ANXA13: variants seen among roughly 807,000 people sequenced by gnomAD.
ANXA13 encodes the protein annexin XIII.
ANXA13 carries 36 observed loss-of-function variants against 46.6 expected under a neutral mutation model. The observed-to-expected ratio is 0.77, with a 90% CI of 0.59 to 1.02. The LOEUF (loss-of-function observed/expected upper bound fraction) is 1.02. ANXA13 is among the 50% of genes least tolerant of loss of function. The pLI is 0.00. For synonymous variants in ANXA13, 163 were observed against 152.9 expected, an observed-to-expected ratio of 1.07 and a Z score of -0.49; for missense variants, 417 against 396.5, an observed-to-expected ratio of 1.05 and a Z score of -0.44.
intron 4 of ANXA13, 39 bp from the exon 5 acceptor site, chr8:123,695,760 G>A (rs1935198376): frequency 6.4e-7 from 1 of 1,556,986 alleles, no homozygotes; most frequent in Middle Eastern, 1.8e-4. Flanking sequence ...ATATTCCAAG[G>A]AGGGATTAAT....
intron 1 of ANXA13, among the ~76,000 whole-genome samples, chr8:123,714,090 C>T (rs4081776): frequency 0.32 from 48,432 of 152,068 alleles, 7,897 homozygotes; most frequent in South Asian, 0.44. Context: ...TCCTTTGGCA[C>T]CCAGTGGAAG....
chr8:123,694,389 G>A (rs7840837), intron 6 of ANXA13, among the ~76,000 whole-genome samples: 79,952 of 151,896 alleles, frequency 0.53, 22,632 homozygotes, highest in Non-Finnish European at 0.65. Context: ...GCCTGACCCA[G>A]ATGAATGAGC....
At chr8:123,682,909 C>T (rs893655240) in intron 10 of ANXA13, among the ~76,000 whole-genome samples, 49 of 152,262 alleles carry the variant, frequency 3.2e-4, no homozygotes, top group African/African-American at 1.1e-3. Context: ...TAAAACACTC[C>T]GTGGGCCATG....
chr8:123,698,731 G>A (rs999639099), intron 3 of ANXA13, among the ~76,000 whole-genome samples, 172 bp from the exon 4 acceptor site: 7 of 152,156 alleles, frequency 4.6e-5, no homozygotes, highest in African/African-American at 1.7e-4. Context: ...GCCCATCCAC[G>A]TTTCCCCAGG....
intron 1 of ANXA13, among the ~76,000 whole-genome samples, chr8:123,714,587 C>T (rs1208203815): frequency 2.0e-5 from 3 of 152,154 alleles, no homozygotes; most frequent in African/African-American, 4.8e-5. Flanking sequence ...TCCATCCTTG[C>T]GATCCAAAGT....
intron 3 of ANXA13, among the ~76,000 whole-genome samples, chr8:123,700,884 G>A (rs1247349449): frequency 6.6e-6 from 1 of 151,796 alleles, no homozygotes; most frequent in Non-Finnish European, 1.5e-5. Context: ...GTGCAGTGGT[G>A]CAACTACGGC....
chr8:123,697,035 A>G (rs62518601), intron 4 of ANXA13, among the ~76,000 whole-genome samples: 41,095 of 152,034 alleles, frequency 0.27, 5,888 homozygotes, highest in Middle Eastern at 0.35. Flanking sequence ...TCAGCCTCTC[A>G]AGTAGCTGGG....
intron 9 of ANXA13, among the ~76,000 whole-genome samples, chr8:123,686,446 T>A: frequency 7.1e-6 from 1 of 141,036 alleles, no homozygotes. Context: ...GGTGACAGAG[T>A]GAAACTGTGT....
chr8:123,686,661 G>A (rs975359236), intron 9 of ANXA13, among the ~76,000 whole-genome samples: 3 of 152,032 alleles, frequency 2.0e-5, no homozygotes, highest in Admixed American at 6.6e-5. Context: ...GGTTCTCAAT[G>A]GGAACCTGGA....
At chr8:123,728,913 A>T (rs1343018229) in intron 1 of ANXA13, among the ~76,000 whole-genome samples, 1 of 152,032 alleles carries the variant, frequency 6.6e-6, no homozygotes, top group Non-Finnish European at 1.5e-5. Flanking sequence ...CCAAGTCCCC[A>T]TTATTTGGAA....
At chr8:123,734,061 C>A (rs147257766) in intron 1 of ANXA13, among the ~76,000 whole-genome samples, 286 of 152,322 alleles carry the variant, frequency 1.9e-3, no homozygotes, top group African/African-American at 6.2e-3. Context: ...AGGGACCATA[C>A]TTTGAGTAGC....
chr8:123,730,047 A>G (rs1343831405), intron 1 of ANXA13, among the ~76,000 whole-genome samples: 2 of 152,074 alleles, frequency 1.3e-5, no homozygotes, highest in African/African-American at 4.8e-5. Flanking sequence ...TTAGCAAGTT[A>G]TGTTCGTTTG....
intron 2 of ANXA13, 121 bp downstream of exon 2, chr8:123,712,557 G>A (rs1197531678): frequency 1.2e-6 from 1 of 861,750 alleles, no homozygotes; most frequent in Non-Finnish European, 1.9e-6. Flanking sequence ...TGATTGACTT[G>A]CGTTAGCTCG....
intron 1 of ANXA13, among the ~76,000 whole-genome samples, chr8:123,732,251 A>G (rs1160569051): frequency 1.3e-5 from 2 of 152,186 alleles, no homozygotes; most frequent in Non-Finnish European, 2.9e-5. Flanking sequence ...GACTAATAAT[A>G]GTATCTCCCT....
chr8:123,698,634 A>AAGC, intron 3 of ANXA13, 75 bp from the exon 4 acceptor site: 1 of 1,486,518 alleles, frequency 6.7e-7, no homozygotes, highest in Non-Finnish European at 9.3e-7. Context: ...GCACTATTGC[A>AAGC]AGTGCTCATA....
Position 123,681,042 on chromosome 8 carries a change from C to T in ANXA13, c.*198G>A, listed in dbSNP as rs1813025373. 3.3e-6 allele frequency: 2 copies of T among 600,302 alleles called. No individual in the cohort carries two copies. The highest frequency in any genetic ancestry group is 3.8e-5 in the South Asian group (1 of 26,464). The allele number at this position is 600,302 out of a possible 1,614,324, so 37.2% of individuals were successfully genotyped here. A position where few individuals can be genotyped will look rare whatever the true frequency, so the allele number is the denominator to read the frequency against. On this transcript the variant is annotated 3_prime_UTR_variant, in exon 11 of 11. Transcript: ENST00000419625. Reference sequence around the variant, plus strand: ...CCTAGATGCTTGCTAAGCCAGAGTTCAAGGTGCCCTGCCCACGCATCTTAA... The same window carrying T: ...CCTAGATGCTTGCTAAGCCAGAGTTTAAGGTGCCCTGCCCACGCATCTTAA...
At chr8:123,703,391 T>C (rs372280456) in intron 2 of ANXA13, among the ~76,000 whole-genome samples, 4 of 152,188 alleles carry the variant, frequency 2.6e-5, no homozygotes, top group African/African-American at 7.2e-5. Context: ...GGCTGCTTTT[T>C]GAAGTGATGA....
Position 123,681,302 on chromosome 8 carries a change from C to G in ANXA13, c.889G>C (p.Asp297His). The G allele has an allele frequency of 6.2e-7, 1 of 1,614,178 alleles. No individual in the cohort carries two copies. Among genetic ancestry groups the G allele is most frequent in the Non-Finnish European group, 8.5e-7 (1 of 1,180,002 alleles). The change falls in exon 11 of 11, where the codon GAC becomes CAC. Residue 297 changes from aspartate (D) to histidine (H), a missense_variant. Asp to His is a moderately conservative substitution (Grantham distance 81). Coordinates refer to ENST00000419625, the MANE Select transcript of ANXA13 (RefSeq NM_004306.4). ...FQEKYQKSLSDMVRSDTSGDF... is the reference protein window; with the variant it reads ...FQEKYQKSLSHMVRSDTSGDF... ...CCGGAGGTATCTGAGCGAACCATGT[C>G]AGAGAGAGACTTCTGATACTTCTCT...
rs1814290832 is a variant in ANXA13 at position 123,737,246 on chromosome 8, A to T, written c.15+74T>A. Reference sequence around the variant, plus strand: ...GTGATAAAGTATACAAGTATCAGTCATGATTTTATAGTTTAAATTCTTCCA... The same window carrying T: ...GTGATAAAGTATACAAGTATCAGTCTTGATTTTATAGTTTAAATTCTTCCA... On this transcript the variant is annotated intron_variant, in intron 1 of 10. Coordinates refer to ENST00000419625, the MANE Select transcript of ANXA13 (RefSeq NM_004306.4). 7 of 1,378,672 alleles carry T rather than the reference A, an allele frequency of 5.1e-6. No homozygotes were observed. In the South Asian group the frequency reaches 8.3e-5, roughly 16 times the overall value. 85.4% of individuals were successfully genotyped at this position (1,378,672 alleles called of 1,614,324 possible).
Sources: gnomAD v4.1 joint callset for allele counts (sites outside exome capture counted in the v4.1 genomes callset) on GRCh38, gnomAD v4.1.1 for gene constraint, MANE v1.5 for transcripts, NCBI Gene and HGNC (gene_info 2026-07-23, HGNC 2026-07-21) for gene names.